Variants in NBEA observed in about 807,000 individuals in gnomAD.
The protein encoded by NBEA is neurobeachin, also known as lysosomal-trafficking regulator 2.
A neutral mutation model predicts 343.4 loss-of-function variants in NBEA; 44 were observed. The ratio of observed to expected loss-of-function variants is 0.13; its 90% CI spans 0.10 to 0.16. The LOEUF (loss-of-function observed/expected upper bound fraction) is 0.16, where lower values mean the gene tolerates loss of function less well. Ranked by LOEUF, NBEA falls within the 10% of genes least tolerant of loss-of-function variation. NBEA has a pLI of 1.00. For missense variants in NBEA, 2,555 were observed against 3,631.3 expected, an observed-to-expected ratio of 0.70 and a Z score of 7.62; for synonymous variants, 1,175 against 1,238.7, an observed-to-expected ratio of 0.95 and a Z score of 1.08.
intron 10 of NBEA, among the ~76,000 whole-genome samples, chr13:35,095,911 G>A (rs1361324442): frequency 2.6e-5 from 4 of 151,884 alleles, no homozygotes; most frequent in East Asian, 1.9e-4. Flanking sequence ...CTCTGCAGAT[G>A]AACTGATGTG....
intron 2 of NBEA, among the ~76,000 whole-genome samples, chr13:35,043,132 G>A (rs138026395): frequency 5.3e-4 from 80 of 150,722 alleles, no homozygotes; most frequent in East Asian, 4.5e-3. Flanking sequence ...TAAGTAATTC[G>A]TATTTTTTCT....
chr13:35,416,295 G>A lies in NBEA; in HGVS notation c.6180-15974G>A, dbSNP rs576324599. 5.9e-5 allele frequency among the ~76,000 whole-genome samples: 9 copies of A among 152,226 alleles called. No homozygotes were observed. In the East Asian group the frequency reaches 7.7e-4, roughly 13 times the overall value. ...TATCGAATAGGAATGGTGAGAGAGC[G>A]CATCCCTGTCTTGTGCCAGTTTTCA... On this transcript the variant is annotated intron_variant, in intron 38 of 58. Coordinates refer to ENST00000379939, the MANE Select transcript of NBEA (RefSeq NM_001385012.1).
At chr13:35,112,569 CTCTAG>C (rs2066270507) in intron 13 of NBEA, among the ~76,000 whole-genome samples, 1 of 152,124 alleles carries the variant, frequency 6.6e-6, no homozygotes, top group Non-Finnish European at 1.5e-5. Context: ...ATAGAGTTTT[CTCTAG>C]TCTAAACAAA....
chr13:35,143,964 T>C (rs1002458596), intron 18 of NBEA, among the ~76,000 whole-genome samples: 1 of 151,898 alleles, frequency 6.6e-6, no homozygotes, highest in Non-Finnish European at 1.5e-5. Flanking sequence ...ATGTAAGCCA[T>C]GGAACAGATC....
In NBEA at chr13:34,942,592, G is replaced by A; in HGVS notation, c.-229G>A. On this transcript the variant is annotated 5_prime_UTR_variant, in exon 1 of 59. Transcript: ENST00000379939. The stretch of plus-strand genomic sequence containing the variant: ...ACAGCCGCTTGCCCGGCAGCGGTTA[G>A]CGGTACCGCCACCGCCGAGAATAAG... The A allele has an allele frequency of 3.7e-6, 1 of 273,680 alleles. No individual in the cohort carries two copies. Among genetic ancestry groups the A allele is most frequent in the Non-Finnish European group, 6.8e-6 (1 of 147,612 alleles). The allele number at this position is 273,680 out of a possible 1,614,324, so 17.0% of individuals were successfully genotyped here.
chr13:35,235,777 TA>T (rs1416983612), intron 34 of NBEA, among the ~76,000 whole-genome samples: 3 of 152,336 alleles, frequency 2.0e-5, no homozygotes, highest in African/African-American at 7.2e-5. Context: ...AATTGAGAGT[TA>T]TTTTTTTTAG....
At chr13:35,003,784 A>T (rs570773170) in intron 1 of NBEA, among the ~76,000 whole-genome samples, 1 of 151,974 alleles carries the variant, frequency 6.6e-6, no homozygotes, top group Non-Finnish European at 1.5e-5. Context: ...AAGAAAATTT[A>T]ATTTTATTTT....
rs763605137 is a variant in NBEA, at chr13:35,070,835, A to G, written c.1554A>G (p.Gln518=). 1.2e-6 allele frequency: 2 copies of G among 1,610,026 alleles called. No homozygotes were observed. The highest frequency in any genetic ancestry group is 1.1e-5 in the South Asian group (1 of 90,866). Residue 518 remains glutamine (Q), a synonymous_variant, in exon 10 of 59, where the codon CAA becomes CAG. Transcript: ENST00000379939. ...ATAATAGGCAGCTCAATGACAGTCAAGTGGAAACAACTGTCTGGTAAGTTT... is the reference window on the plus strand; with the variant it reads ...ATAATAGGCAGCTCAATGACAGTCAGGTGGAAACAACTGTCTGGTAAGTTT... The part of the protein sequence containing the change: ...QLDNRQLNDS[Q]VETTVCATLL...
intron 40 of NBEA, among the ~76,000 whole-genome samples, chr13:35,454,202 TA>T (rs1159818919): frequency 1.3e-5 from 2 of 152,210 alleles, no homozygotes; most frequent in Non-Finnish European, 2.9e-5. Flanking sequence ...ATGGGTGTTT[TA>T]TGAAGGGCCA....
At chr13:35,182,332 G>A (rs974336766) in intron 28 of NBEA, 28 bp from the exon 29 acceptor site, 2 of 1,583,916 alleles carry the variant, frequency 1.3e-6, no homozygotes, top group Non-Finnish European at 1.7e-6. Context: ...AAGTTTGAGT[G>A]TTAAAACTGT....
chr13:35,130,397 C>T (rs1166986036), intron 17 of NBEA, among the ~76,000 whole-genome samples: 1 of 150,186 alleles, frequency 6.7e-6, no homozygotes, highest in East Asian at 1.9e-4. Flanking sequence ...AAGTGTATTA[C>T]TTATTCTAAA....
intron 40 of NBEA, among the ~76,000 whole-genome samples, chr13:35,464,014 C>G (rs748959971): frequency 5.3e-5 from 8 of 151,964 alleles, no homozygotes; most frequent in Non-Finnish European, 1.0e-4. Flanking sequence ...GTAGAAAAAT[C>G]TGTAGATAGA....
chr13:35,396,288 G>C (rs2042741421), intron 38 of NBEA, among the ~76,000 whole-genome samples: 1 of 151,928 alleles, frequency 6.6e-6, no homozygotes, highest in South Asian at 2.1e-4. Flanking sequence ...ATTGGATTTA[G>C]CTCTAAAATT....
chr13:35,005,666 T>C (rs1302861471), intron 1 of NBEA, among the ~76,000 whole-genome samples: 1 of 152,162 alleles, frequency 6.6e-6, no homozygotes, highest in Non-Finnish European at 1.5e-5. Flanking sequence ...ACAGTATCCT[T>C]GATAATTGTT....
At chr13:35,473,780 CAT>C (rs747277056) in intron 41 of NBEA, among the ~76,000 whole-genome samples, 38 of 152,122 alleles carry the variant, frequency 2.5e-4, no homozygotes, top group Admixed American at 9.8e-4. Flanking sequence ...TAAGGTTTGA[CAT>C]AAAATATATT....
At chr13:35,018,226 A>G (rs912654572) in intron 1 of NBEA, among the ~76,000 whole-genome samples, 4 of 152,072 alleles carry the variant, frequency 2.6e-5, no homozygotes, top group Admixed American at 2.0e-4. Flanking sequence ...TGTTTTGGCT[A>G]TTGTAGGCTT....
rs140113711 is a variant in NBEA at position 35,430,526 on chromosome 13, A to T, written c.6180-1743A>T. On this transcript the variant is annotated intron_variant, in intron 38 of 58. Coordinates refer to ENST00000379939, the MANE Select transcript of NBEA (RefSeq NM_001385012.1). ...GGTCATGAAGTCTTTGCCTAAGCCA[A>T]TGTCTAGAAGAGTTTTTCCAGTGTT... 5.9e-3 allele frequency among the ~76,000 whole-genome samples: 895 copies of T among 152,194 alleles called. 6 individuals are homozygous for T. Among genetic ancestry groups the T allele is most frequent in the Non-Finnish European group, 0.01 (681 of 68,000 alleles).
chr13:35,539,669 C>G (rs2078718828), intron 41 of NBEA, among the ~76,000 whole-genome samples: 1 of 79,004 alleles, frequency 1.3e-5, no homozygotes, highest in African/African-American at 2.7e-5. Context: ...GTAATACCAG[C>G]ACTTTGGGAG....
At chr13:35,569,961 T>C (rs1049486741) in intron 45 of NBEA, among the ~76,000 whole-genome samples, 3 of 152,192 alleles carry the variant, frequency 2.0e-5, no homozygotes, top group African/African-American at 7.2e-5. Flanking sequence ...TTAAAATAAA[T>C]GAGGAAGTCA....
Sources: gnomAD v4.1 joint callset for allele counts (sites outside exome capture counted in the v4.1 genomes callset) on GRCh38, gnomAD v4.1.1 for gene constraint, MANE v1.5 for transcripts, NCBI Gene and HGNC (gene_info 2026-07-23, HGNC 2026-07-21) for gene names.